The following DTNBP1 variants were observed in gnomAD, a reference collection of about 807,000 sequenced individuals.
The protein encoded by DTNBP1 is dysbindin.
DTNBP1 carries 35 observed loss-of-function variants against 42.8 expected under a neutral mutation model. The observed-to-expected ratio is 0.82, with a 90% CI of 0.63 to 1.09. The LOEUF is 1.09. Among genes scored for constraint, DTNBP1 ranks in the 50% least tolerant of loss-of-function variants. The pLI is 0.00. For synonymous variants in DTNBP1, 171 were observed against 162.2 expected, an observed-to-expected ratio of 1.05 and a Z score of -0.41; for missense variants, 457 against 424.2, an observed-to-expected ratio of 1.08 and a Z score of -0.68.
At chr6:15,613,472 T>G (rs1758547264) in intron 6 of DTNBP1, among the ~76,000 whole-genome samples, 2 of 144,752 alleles carry the variant, frequency 1.4e-5, no homozygotes, top group Admixed American at 1.4e-4. Context: ...GTTCATGCCA[T>G]TCTCCTGCCT....
chr6:15,541,349 C>A (rs530593479), intron 7 of DTNBP1, among the ~76,000 whole-genome samples: 2 of 152,178 alleles, frequency 1.3e-5, no homozygotes, highest in Admixed American at 1.3e-4. Context: ...GGAAAAATTT[C>A]AAATCTAGGG....
intron 8 of DTNBP1, among the ~76,000 whole-genome samples, chr6:15,529,582 C>T (rs1772667127): frequency 6.6e-6 from 1 of 152,222 alleles, no homozygotes; most frequent in African/African-American, 2.4e-5. Flanking sequence ...TGATCAATCC[C>T]TCTGGAAGCA....
At chr6:15,571,126 C>T (rs770601654) in intron 7 of DTNBP1, among the ~76,000 whole-genome samples, 1 of 152,056 alleles carries the variant, frequency 6.6e-6, no homozygotes, top group African/African-American at 2.4e-5. Context: ...TTTAAAATAT[C>T]GAGGTGGAAA....
chr6:15,612,674 A>G (rs1448143968), intron 6 of DTNBP1, among the ~76,000 whole-genome samples: 1 of 152,130 alleles, frequency 6.6e-6, no homozygotes, highest in East Asian at 1.9e-4. Flanking sequence ...AAAACCCTAT[A>G]ATGTACTGTA....
intron 6 of DTNBP1, among the ~76,000 whole-genome samples, chr6:15,595,390 G>A (rs1030473366): frequency 4.0e-5 from 6 of 148,700 alleles, no homozygotes; most frequent in East Asian, 4.0e-4. Flanking sequence ...TCAGCCTCCC[G>A]AGTAGCTGGG....
At chr6:15,554,001 A>G (rs1034614075) in intron 7 of DTNBP1, among the ~76,000 whole-genome samples, 5 of 152,166 alleles carry the variant, frequency 3.3e-5, no homozygotes, top group Non-Finnish European at 5.9e-5. Flanking sequence ...AAAGGACTCT[A>G]TCTCAAATAA....
At chr6:15,635,240 T>A (rs1759940380) in intron 4 of DTNBP1, among the ~76,000 whole-genome samples, 2 of 152,284 alleles carry the variant, frequency 1.3e-5, no homozygotes, top group African/African-American at 4.8e-5. Context: ...TGCCTCAGCC[T>A]CCCGAATAGC....
At chr6:15,662,766 G>A (rs755044259) in intron 1 of DTNBP1, 48 bp downstream of exon 1, 10 of 1,610,220 alleles carry the variant, frequency 6.2e-6, no homozygotes, top group Non-Finnish European at 8.5e-6. Flanking sequence ...ATCCCAGGCG[G>A]CGGCCCGGCC....
chr6:15,628,744 AC>A (rs1253411183), intron 4 of DTNBP1, among the ~76,000 whole-genome samples: 1 of 152,144 alleles, frequency 6.6e-6, no homozygotes, highest in African/African-American at 2.4e-5. Flanking sequence ...TCTGAATACA[AC>A]TGATTCTTAC....
At chr6:15,576,481 T>A (rs1263030802) in intron 7 of DTNBP1, among the ~76,000 whole-genome samples, 3 of 151,548 alleles carry the variant, frequency 2.0e-5, no homozygotes, top group African/African-American at 7.3e-5. Flanking sequence ...TTTATAATAA[T>A]AAATGTATTT....
intron 5 of DTNBP1, among the ~76,000 whole-genome samples, chr6:15,620,094 T>G (rs956710126): frequency 6.6e-6 from 1 of 152,146 alleles, no homozygotes; most frequent in African/African-American, 2.4e-5. Flanking sequence ...TCTTCAGACA[T>G]TTTAGGTACT....
intron 7 of DTNBP1, among the ~76,000 whole-genome samples, chr6:15,546,238 G>A (rs1773874968): frequency 6.6e-6 from 1 of 151,784 alleles, no homozygotes; most frequent in Non-Finnish European, 1.5e-5. Context: ...ACTACTTTTT[G>A]TATTTTTAGT....
intron 6 of DTNBP1, among the ~76,000 whole-genome samples, chr6:15,605,475 G>C (rs947061220): frequency 6.6e-5 from 10 of 152,096 alleles, no homozygotes; most frequent in African/African-American, 2.2e-4. Flanking sequence ...GCTCACCCTA[G>C]CTGAAGCAGT....
chr6:15,595,478 A>G lies in DTNBP1; in HGVS notation c.489-2397T>C, dbSNP rs543325475. On this transcript the variant is annotated intron_variant, in intron 6 of 9. Coordinates refer to ENST00000344537, the MANE Select transcript of DTNBP1 (RefSeq NM_032122.5). ...GATGGGGTTTCACCATGTTGGCCAG[A>G]CTGGCCTCAAACTCCTGACCTCAGT... Among the ~76,000 whole-genome samples the G allele has an allele frequency of 6.5e-4, 99 of 151,864 alleles. 1 individual carries two copies. Among genetic ancestry groups the G allele is most frequent in the Middle Eastern group, 3.4e-3 (1 of 290 alleles).
intron 8 of DTNBP1, among the ~76,000 whole-genome samples, chr6:15,531,412 G>A (rs1271916581): frequency 4.6e-5 from 7 of 152,104 alleles, no homozygotes; most frequent in African/African-American, 1.4e-4. Flanking sequence ...CGGAGGAAAC[G>A]CACAGAGGAC....
intron 7 of DTNBP1, among the ~76,000 whole-genome samples, chr6:15,549,491 TAAAAAAAAAA>T (rs1171397685): frequency 1.5e-4 from 12 of 77,952 alleles, no homozygotes; most frequent in African/African-American, 5.0e-4. Flanking sequence ...TCTCAGGGAT[TAAAAAAAAAA>T]AAAAAAAAAA....
intron 3 of DTNBP1, among the ~76,000 whole-genome samples, chr6:15,648,895 A>T (rs1312154753): frequency 6.6e-6 from 1 of 152,102 alleles, no homozygotes; most frequent in African/African-American, 2.4e-5. Context: ...ATTCATATGA[A>T]ATCTCAAATG....
Position 15,583,799 on chromosome 6 carries a change from T to A in DTNBP1, c.511+9260A>T, listed in dbSNP as rs150894130. On this transcript the variant is annotated intron_variant, in intron 7 of 9. Coordinates refer to ENST00000344537, the MANE Select transcript of DTNBP1 (RefSeq NM_032122.5). ...AATACTCTATTGCTATAATTATTGA[T>A]CATACAATGGTGGTATATGATCATT... Among the ~76,000 whole-genome samples the A allele has an allele frequency of 4.9e-3, 739 of 152,318 alleles. 7 individuals carry two copies. The highest frequency in any genetic ancestry group is 0.016 in the African/African-American group (676 of 41,578).
At chr6:15,530,299 G>A (rs985375808) in intron 8 of DTNBP1, among the ~76,000 whole-genome samples, 64 of 152,288 alleles carry the variant, frequency 4.2e-4, no homozygotes, top group Middle Eastern at 3.4e-3. Flanking sequence ...CCCGATTCCC[G>A]TGTGTGGCTG....
Sources: allele counts gnomAD v4.1 joint callset (sites outside exome capture counted in the v4.1 genomes callset), GRCh38; gene constraint gnomAD v4.1.1; transcripts MANE v1.5; gene names NCBI Gene and HGNC (gene_info 2026-07-23, HGNC 2026-07-21).